DISC1: variants seen among roughly 807,000 people sequenced by gnomAD.
DISC1 encodes disrupted in schizophrenia 1 protein.
In DISC1, 57 loss-of-function variants were observed where a neutral mutation model predicts 84.5. That is an observed-to-expected ratio of 0.67 (90% CI 0.55 to 0.84). DISC1 has a LOEUF of 0.84. Ranked by LOEUF, DISC1 falls within the 40% of genes least tolerant of loss-of-function variation. The probability of loss-of-function intolerance (pLI) is 0.00; values close to 1 mark genes in which losing one functional copy is unlikely to be tolerated. For missense variants in DISC1, 1,000 were observed against 1,057.8 expected, an observed-to-expected ratio of 0.95 and a Z score of 0.76; for synonymous variants, 411 against 415.2, an observed-to-expected ratio of 0.99 and a Z score of 0.12.
chr1:232,012,691 C>T (rs1668131009), intron 11 of DISC1, among the ~76,000 whole-genome samples: 1 of 152,182 alleles, frequency 6.6e-6, no homozygotes, highest in Non-Finnish European at 1.5e-5. Context: ...AAGCCTTTCC[C>T]GTGCTTATCT....
chr1:231,909,510 A>G (rs2088994248), intron 9 of DISC1, among the ~76,000 whole-genome samples: 1 of 152,234 alleles, frequency 6.6e-6, no homozygotes, highest in South Asian at 2.1e-4. Flanking sequence ...TTTGCATCCC[A>G]GGGATGAAGC....
chr1:231,652,488 A>G (rs1274524313), intron 1 of DISC1, among the ~76,000 whole-genome samples: 1 of 152,052 alleles, frequency 6.6e-6, no homozygotes, highest in African/African-American at 2.4e-5. Context: ...AGGAAAAATA[A>G]CACATTTACT....
chr1:232,029,651 T>C (rs1669813520), intron 12 of DISC1, among the ~76,000 whole-genome samples: 1 of 152,236 alleles, frequency 6.6e-6, no homozygotes, highest in South Asian at 2.1e-4. Flanking sequence ...ACCCAATTAA[T>C]CTAAGTCCAC....
chr1:231,637,173 ATGTGCCACAT>A (rs1395358180), intron 1 of DISC1, among the ~76,000 whole-genome samples: 1 of 152,094 alleles, frequency 6.6e-6, no homozygotes, highest in African/African-American at 2.4e-5. Flanking sequence ...CTTGGTGTAT[ATGTGCCACAT>A]TTTCTTTACC....
chr1:231,822,735 GCTGT>G (rs1166737443), intron 9 of DISC1, among the ~76,000 whole-genome samples: 1 of 152,174 alleles, frequency 6.6e-6, no homozygotes, highest in African/African-American at 2.4e-5. Context: ...AGTTTTGCAG[GCTGT>G]CTAAGAAGCA....
At chr1:231,686,018 G>T (rs1030750151) in intron 1 of DISC1, among the ~76,000 whole-genome samples, 10 of 152,204 alleles carry the variant, frequency 6.6e-5, no homozygotes, top group Non-Finnish European at 1.3e-4. Flanking sequence ...TCACATCCAG[G>T]TCACACTGAT....
chr1:231,873,150 C>T (rs1311276007), intron 9 of DISC1, among the ~76,000 whole-genome samples: 1 of 152,208 alleles, frequency 6.6e-6, no homozygotes, highest in Admixed American at 6.5e-5. Flanking sequence ...AGATTTCCGA[C>T]AAGAACTTCC....
chr1:232,015,397 G>A (rs1668392851), intron 11 of DISC1, among the ~76,000 whole-genome samples: 1 of 152,138 alleles, frequency 6.6e-6, no homozygotes, highest in Admixed American at 6.5e-5. Flanking sequence ...TGCAGTCTGA[G>A]GGATCGATAG....
intron 10 of DISC1, among the ~76,000 whole-genome samples, chr1:231,961,642 C>T (rs1317469826): frequency 2.0e-5 from 3 of 152,094 alleles, no homozygotes; most frequent in Non-Finnish European, 4.4e-5. Flanking sequence ...TTTGGTTTTT[C>T]GTTCCTACAT....
intron 10 of DISC1, among the ~76,000 whole-genome samples, chr1:231,992,426 C>T (rs758892609): frequency 1.3e-5 from 2 of 152,100 alleles, no homozygotes; most frequent in Non-Finnish European, 2.9e-5. Flanking sequence ...GACCATGCAA[C>T]GTGTTAGAAA....
At chr1:231,980,106 T>C (rs574578961) in intron 10 of DISC1, among the ~76,000 whole-genome samples, 75 of 152,356 alleles carry the variant, frequency 4.9e-4, no homozygotes, top group African/African-American at 1.6e-3. Context: ...AACCTGACTT[T>C]TATTCTCTCT....
At position 232,031,266 on chromosome 1, in the gene DISC1, TAAAGAAAGAA is replaced by T. The variant is rs1319694757; in HGVS notation, c.2425+4727_2425+4736del. Reference sequence around the variant, plus strand: ...GGAAGGAAGGAAGGAGAAAGAAAGATAAAGAAAGAAAAAGAAAGAAAAGAGGAAGGAAGGA... The same window carrying T: ...GGAAGGAAGGAAGGAGAAAGAAAGATAAAGAAAGAAAAGAGGAAGGAAGGA... On this transcript the variant is annotated intron_variant, in intron 12 of 12. Transcript: ENST00000439617. This position sits in a 1 kb window ranked among gnomAD's most constrained non-coding sequence, Gnocchi z 4.6. Among the ~76,000 whole-genome samples the T allele has an allele frequency of 1.1e-4, 11 of 104,584 alleles. No individual in the cohort carries two copies. Among genetic ancestry groups the T allele is most frequent in the African/African-American group, 1.6e-4 (4 of 25,638 alleles). 68.6% of individuals were successfully genotyped at this position (104,584 alleles called of 152,430 possible).
chr1:231,793,310 CA>C (rs1178832311), intron 6 of DISC1, among the ~76,000 whole-genome samples: 1 of 152,182 alleles, frequency 6.6e-6, no homozygotes, highest in Non-Finnish European at 1.5e-5. Flanking sequence ...ATCAAGTAAT[CA>C]CTCCTCTTCT....
intron 10 of DISC1, among the ~76,000 whole-genome samples, chr1:231,970,221 G>A (rs1661754680): frequency 6.6e-6 from 1 of 152,186 alleles, no homozygotes; most frequent in Non-Finnish European, 1.5e-5. Context: ...CACCAACAGT[G>A]TAAAAGTGTT....
At chr1:231,972,209 T>C (rs6690682) in intron 10 of DISC1, among the ~76,000 whole-genome samples, 15,107 of 152,238 alleles carry the variant, frequency 0.099, 2,531 homozygotes, top group African/African-American at 0.34. Context: ...TTGTCAACTC[T>C]AGTAGTTACC....
Position 231,973,199 on chromosome 1 carries a change from A to T in DISC1, c.2042+14311A>T, listed in dbSNP as rs182603073. Among the ~76,000 whole-genome samples the T allele has an allele frequency of 4.0e-3, 615 of 152,128 alleles. 5 individuals are homozygous for T. Among genetic ancestry groups the T allele is most frequent in the African/African-American group, 0.014 (579 of 41,494 alleles). On this transcript the variant is annotated intron_variant, in intron 10 of 12. Coordinates refer to ENST00000439617, the MANE Select transcript of DISC1 (RefSeq NM_018662.3). ...GTAGCTGGGACTACAGGCGTGCGCC[A>T]CCACGCCTGGCTAATCTTTGTATTT...
chr1:231,972,837 A>G (rs1662197835), intron 10 of DISC1, among the ~76,000 whole-genome samples: 1 of 152,240 alleles, frequency 6.6e-6, no homozygotes, highest in Admixed American at 6.5e-5. Context: ...GAAACTGGTT[A>G]TAAGGTTTAG....
rs1049363762 is a variant in DISC1, at chr1:231,819,155, A to G, written c.1981+638A>G. The G allele has an allele frequency of 1.4e-5, 14 of 984,580 alleles. No homozygotes were observed. In the South Asian group the frequency reaches 3.8e-4, roughly 26 times the overall value. 61.0% of individuals were successfully genotyped at this position (984,580 alleles called of 1,614,324 possible). ...GGTTCAGTGCAAATTGAGATGGTAA[A>G]AACTTATTTCTTAAAAAATGGTTCC... On this transcript the variant is annotated intron_variant, in intron 9 of 12. Transcript: ENST00000439617.
chr1:231,983,305 C>A (rs1269023913), intron 10 of DISC1, among the ~76,000 whole-genome samples: 3 of 151,550 alleles, frequency 2.0e-5, no homozygotes, highest in African/African-American at 7.3e-5. Flanking sequence ...GGAAGCTGCC[C>A]AGACAGTAGA....
Sources: allele counts gnomAD v4.1 joint callset (sites outside exome capture counted in the v4.1 genomes callset), GRCh38; gene constraint gnomAD v4.1.1; non-coding constraint Gnocchi (gnomAD v3.1); transcripts MANE v1.5; gene names NCBI Gene and HGNC (gene_info 2026-07-23, HGNC 2026-07-21).